ABTB3: variants seen among roughly 807,000 people sequenced by gnomAD.
ABTB3 encodes the protein ankyrin repeat and BTB domain containing 3, also known as ankyrin repeat- and BTB/POZ domain-containing protein 3.
chr12:107,429,110 G>A, the ABTB3 span, among the ~76,000 whole-genome samples: 1 of 152,224 alleles, frequency 6.6e-6, no homozygotes, highest in Admixed American at 6.5e-5. Flanking sequence ...GTTGGGGCTT[G>A]TTTCTCTGGC....
chr12:107,609,041 C>T, the ABTB3 span, among the ~76,000 whole-genome samples: 1 of 151,672 alleles, frequency 6.6e-6, no homozygotes, highest in Admixed American at 6.6e-5. Context: ...GGTCATCTCC[C>T]CCACGAAGGC....
chr12:107,347,176 CT>C, the ABTB3 span, among the ~76,000 whole-genome samples: 2 of 152,184 alleles, frequency 1.3e-5, no homozygotes, highest in Admixed American at 6.5e-5. Context: ...GTCCTCCTAA[CT>C]TGGGGAATAT....
At chr12:107,407,662 C>T in the ABTB3 span, among the ~76,000 whole-genome samples, 3 of 152,152 alleles carry the variant, frequency 2.0e-5, no homozygotes, top group Non-Finnish European at 4.4e-5. Flanking sequence ...AGAAATAGTT[C>T]CCCTTTAGTG....
At chr12:107,487,483 C>G in the ABTB3 span, among the ~76,000 whole-genome samples, 1 of 152,080 alleles carries the variant, frequency 6.6e-6, no homozygotes, top group Admixed American at 6.5e-5. Flanking sequence ...GTCTATTTAC[C>G]TTGGCTAGGA....
the ABTB3 span, among the ~76,000 whole-genome samples, chr12:107,396,948 A>G: frequency 6.6e-6 from 1 of 152,208 alleles, no homozygotes; most frequent in South Asian, 2.1e-4. Flanking sequence ...TATGGGTGAT[A>G]TTCTGCAACT....
At chr12:107,498,614 A>G in the ABTB3 span, among the ~76,000 whole-genome samples, 126 of 152,286 alleles carry the variant, frequency 8.3e-4, no homozygotes, top group Non-Finnish European at 1.3e-3. Context: ...TTTAAAGCCC[A>G]CAACGGTCAA....
chr12:107,552,182 A>G, the ABTB3 span, among the ~76,000 whole-genome samples: 4 of 152,250 alleles, frequency 2.6e-5, no homozygotes, highest in Admixed American at 2.6e-4. Context: ...GAGAAGGAAT[A>G]CTTGAACCTT....
the ABTB3 span, among the ~76,000 whole-genome samples, chr12:107,349,868 C>T: frequency 2.6e-5 from 4 of 152,198 alleles, no homozygotes; most frequent in African/African-American, 9.6e-5. Context: ...GGCAATTTGA[C>T]TGATGGCAGA....
chr12:107,417,840 T>C, the ABTB3 span, among the ~76,000 whole-genome samples: 110 of 152,358 alleles, frequency 7.2e-4, 2 homozygotes, highest in East Asian at 0.013. Context: ...ATCTGAGGTC[T>C]ACCCAGTGAT....
chr12:107,624,407 A>G, the ABTB3 span, among the ~76,000 whole-genome samples: 1 of 152,120 alleles, frequency 6.6e-6, no homozygotes, highest in East Asian at 1.9e-4. Flanking sequence ...AAATATCACA[A>G]CCAACATAGT....
the ABTB3 span, among the ~76,000 whole-genome samples, chr12:107,579,209 G>T: frequency 6.6e-6 from 1 of 152,206 alleles, no homozygotes; most frequent in Non-Finnish European, 1.5e-5. Context: ...AGGAGGCTCA[G>T]CTGCATGAAC....
At chr12:107,616,001 T>C in the ABTB3 span, among the ~76,000 whole-genome samples, 1 of 152,076 alleles carries the variant, frequency 6.6e-6, no homozygotes, top group African/African-American at 2.4e-5. Context: ...TTCATGGGAA[T>C]CCTTTGTTGT....
chr12:107,620,069 T>C, the ABTB3 span: 1 of 1,614,158 alleles, frequency 6.2e-7, no homozygotes, highest in African/African-American at 1.3e-5. Flanking sequence ...CCAGTGCTTG[T>C]TAAAGGAGTT....
At chr12:107,396,068 C>A in the ABTB3 span, among the ~76,000 whole-genome samples, 1 of 152,186 alleles carries the variant, frequency 6.6e-6, no homozygotes, top group Non-Finnish European at 1.5e-5. Context: ...CTGGCCTAAG[C>A]CTGGGAAGTC....
the ABTB3 span, among the ~76,000 whole-genome samples, chr12:107,405,438 C>T: frequency 2.6e-5 from 4 of 152,232 alleles, no homozygotes; most frequent in African/African-American, 9.6e-5. Flanking sequence ...TTTTTACTGA[C>T]TTATATTCTA....
chr12:107,620,487 G>C, the ABTB3 span, among the ~76,000 whole-genome samples: 1 of 152,166 alleles, frequency 6.6e-6, no homozygotes, highest in African/African-American at 2.4e-5. Flanking sequence ...TGGTACAACA[G>C]TATTAAATTT....
chr12:107,562,758 C>T, the ABTB3 span, among the ~76,000 whole-genome samples: 1 of 152,236 alleles, frequency 6.6e-6, no homozygotes, highest in African/African-American at 2.4e-5. Flanking sequence ...GTCTGCTCTC[C>T]TTGCCTACAA....
the ABTB3 span, among the ~76,000 whole-genome samples, chr12:107,435,645 T>C: frequency 6.6e-6 from 1 of 152,212 alleles, no homozygotes; most frequent in East Asian, 1.9e-4. Context: ...AGGGTCATTA[T>C]TTTTTCCCTG....
chr12:107,417,878 C>A, the ABTB3 span, among the ~76,000 whole-genome samples: 4 of 152,208 alleles, frequency 2.6e-5, no homozygotes, highest in African/African-American at 9.7e-5. Context: ...CTGCAAAGCC[C>A]AGTTTTCCTA....
Sources: allele counts gnomAD v4.1 joint callset (sites outside exome capture counted in the v4.1 genomes callset), GRCh38; gene constraint gnomAD v4.1.1; transcripts MANE v1.5; gene names NCBI Gene and HGNC (gene_info 2026-07-23, HGNC 2026-07-21).